The following UCK2 variants were observed in gnomAD, a reference collection of about 807,000 sequenced individuals.
The protein encoded by UCK2 is cytidine monophosphokinase 2.
In UCK2, 6 loss-of-function variants were observed where a neutral mutation model predicts 30.8. The observed-to-expected ratio is 0.19, with a 90% confidence interval of 0.11 to 0.38. UCK2 has a LOEUF of 0.38. Ranked by LOEUF, UCK2 falls within the 10% of genes least tolerant of loss-of-function variation. The pLI is 1.00. For synonymous variants in UCK2, 125 were observed against 133.6 expected (o/e 0.94, Z 0.45); for missense variants, 210 against 339.8 (o/e 0.62, Z 3.00).
chr1:165,897,898 C>T (rs1158292888), intron 4 of UCK2: 1 of 152,196 alleles, frequency 6.6e-6, no homozygotes, highest in Non-Finnish European at 1.5e-5. Context: ...TAGCAGAGCC[C>T]TTCCCAGCTA....
chr1:165,878,159 C>T (rs1655387108), intron 1 of UCK2, among the ~76,000 whole-genome samples: 1 of 152,144 alleles, frequency 6.6e-6, no homozygotes. Context: ...TCCCCTAACC[C>T]CTGGCAACCA....
chr1:165,844,802 G>A (rs1654409180), intron 1 of UCK2, among the ~76,000 whole-genome samples: 2 of 152,188 alleles, frequency 1.3e-5, no homozygotes, highest in South Asian at 4.1e-4. Flanking sequence ...CATCCAGATA[G>A]CAGAACAGGT....
intron 1 of UCK2, among the ~76,000 whole-genome samples, chr1:165,849,358 T>C (rs1028185424): frequency 6.6e-6 from 1 of 152,194 alleles, no homozygotes; most frequent in Non-Finnish European, 1.5e-5. Context: ...TGTCTCTATG[T>C]AGTGCTTGGC....
At chr1:165,872,281 G>T (rs1403696189) in intron 1 of UCK2, among the ~76,000 whole-genome samples, 1 of 152,144 alleles carries the variant, frequency 6.6e-6, no homozygotes, top group African/African-American at 2.4e-5. Flanking sequence ...TGCCATGTTG[G>T]CCAGGCTGGT....
intron 1 of UCK2, among the ~76,000 whole-genome samples, chr1:165,840,693 C>A (rs79234663): frequency 9.9e-5 from 15 of 152,082 alleles, no homozygotes; most frequent in Non-Finnish European, 2.2e-4. Context: ...CTTCCTGGGT[C>A]GACCTTTGAA....
intron 1 of UCK2, among the ~76,000 whole-genome samples, chr1:165,844,158 T>C (rs1654392532): frequency 6.6e-6 from 1 of 152,176 alleles, no homozygotes. Context: ...GCATTTAAAC[T>C]CTTGGCTTCA....
chr1:165,890,609 A>G (rs1348770652), intron 2 of UCK2, among the ~76,000 whole-genome samples: 1 of 152,194 alleles, frequency 6.6e-6, no homozygotes, highest in African/African-American at 2.4e-5. Context: ...GTGATTTTGT[A>G]TGAGCCTGGG....
chr1:165,829,261 TA>T (rs1326044891), intron 1 of UCK2, among the ~76,000 whole-genome samples: 1 of 152,194 alleles, frequency 6.6e-6, no homozygotes, highest in Non-Finnish European at 1.5e-5. Flanking sequence ...TGAAGGCTTT[TA>T]AAAAAATTTG....
At chr1:165,870,207 T>C (rs1655161126) in intron 1 of UCK2, among the ~76,000 whole-genome samples, 1 of 151,076 alleles carries the variant, frequency 6.6e-6, no homozygotes, top group East Asian at 1.9e-4. Flanking sequence ...CTTCATTTTT[T>C]TTTTTTTTTT....
chr1:165,899,454 T>C (rs1008092278), intron 4 of UCK2, among the ~76,000 whole-genome samples: 3 of 152,144 alleles, frequency 2.0e-5, no homozygotes, highest in Admixed American at 1.3e-4. Flanking sequence ...TACTATAGAG[T>C]AGCACATTTC....
intron 1 of UCK2, among the ~76,000 whole-genome samples, chr1:165,859,636 A>G (rs1414811853): frequency 6.6e-6 from 1 of 152,110 alleles, no homozygotes. Context: ...ATCCTAGGCA[A>G]CATGGTAAAA....
At chr1:165,854,796 A>T (rs1654687305) in intron 1 of UCK2, among the ~76,000 whole-genome samples, 1 of 152,002 alleles carries the variant, frequency 6.6e-6, no homozygotes, top group Non-Finnish European at 1.5e-5. Flanking sequence ...TATCTTTTCT[A>T]GTCCATGAAT....
In UCK2 at chr1:165,907,869, G is replaced by T; in HGVS notation, c.*46G>T. The stretch of plus-strand genomic sequence containing the variant: ...GCCCCTATCTCCAAGAGACAGAGGA[G>T]GGGTCAGGAGGCACTGCTCATCTGT... On this transcript the variant is annotated 3_prime_UTR_variant, in exon 7 of 7. Transcript: ENST00000367879. The T allele has an allele frequency of 6.2e-7, 1 of 1,605,418 alleles. No individual in the cohort carries two copies. The highest frequency in any genetic ancestry group is 8.5e-7 in the Non-Finnish European group (1 of 1,175,022).
At chr1:165,874,839 A>C (rs1297070950) in intron 1 of UCK2, among the ~76,000 whole-genome samples, 5 of 152,194 alleles carry the variant, frequency 3.3e-5, no homozygotes, top group African/African-American at 4.8e-5. Flanking sequence ...GTGTTTTCTT[A>C]GGTGGCTGTG....
At chr1:165,906,356 T>G (rs1647659751) in intron 6 of UCK2, among the ~76,000 whole-genome samples, 2 of 152,220 alleles carry the variant, frequency 1.3e-5, no homozygotes, top group African/African-American at 4.8e-5. Flanking sequence ...GGGAGCTGGT[T>G]GCTACCATTA....
intron 4 of UCK2, among the ~76,000 whole-genome samples, chr1:165,901,774 C>T (rs545283441): frequency 3.9e-5 from 6 of 152,172 alleles, no homozygotes; most frequent in African/African-American, 7.2e-5. Flanking sequence ...TCATGTACAG[C>T]GGCAGAATGA....
rs114983942 is a variant in UCK2, at chr1:165,874,538, A to G, written c.100-15666A>G. Among the ~76,000 whole-genome samples the G allele has an allele frequency of 5.5e-3, 833 of 152,230 alleles. 5 individuals are homozygous for G. Among genetic ancestry groups the G allele is most frequent in the African/African-American group, 0.019 (802 of 41,542 alleles). ...GTCTCCATCCCCTGCGTTAAAAGGG[A>G]TAGGGCAGGGATTTGGATGTCTTTA... On this transcript the variant is annotated intron_variant, in intron 1 of 6. Transcript: ENST00000367879.
chr1:165,869,593 T>C (rs1489166367), intron 1 of UCK2, among the ~76,000 whole-genome samples: 1 of 151,910 alleles, frequency 6.6e-6, no homozygotes, highest in Non-Finnish European at 1.5e-5. Context: ...ATTTGTTCTT[T>C]CTAGTTTCTT....
chr1:165,902,058 AC>A (rs1307272724), intron 4 of UCK2, among the ~76,000 whole-genome samples: 1 of 151,750 alleles, frequency 6.6e-6, no homozygotes, highest in Non-Finnish European at 1.5e-5. Context: ...ACACGGTGAA[AC>A]CCCCATCTCT....
Sources: gnomAD v4.1 joint callset for allele counts (sites outside exome capture counted in the v4.1 genomes callset) on GRCh38, gnomAD v4.1.1 for gene constraint, MANE v1.5 for transcripts, NCBI Gene and HGNC (gene_info 2026-07-23, HGNC 2026-07-21) for gene names.